The following UBR3 variants were observed in gnomAD, a reference collection of about 807,000 sequenced individuals.
UBR3 encodes E3 ubiquitin-protein ligase UBR3.
A neutral mutation model predicts 243.2 loss-of-function variants in UBR3; 85 were observed. The observed-to-expected ratio is 0.35, with a 90% CI of 0.29 to 0.42. UBR3 has a LOEUF of 0.42. UBR3 is among the 10% of genes least tolerant of loss of function. The pLI, the probability that UBR3 is intolerant of heterozygous loss-of-function variation, is 1.00. For missense variants in UBR3, 1,686 were observed against 2,300.8 expected (o/e 0.73, Z 5.47); for synonymous variants, 748 against 799.8 (o/e 0.94, Z 1.09).
At chr2:170,074,652 ACT>A (rs1359379500) in intron 36 of UBR3, among the ~76,000 whole-genome samples, 36 of 152,252 alleles carry the variant, frequency 2.4e-4, no homozygotes, top group Non-Finnish European at 7.4e-5. Flanking sequence ...ATTAATAATC[ACT>A]GTTTGCTAAG....
intron 33 of UBR3, among the ~76,000 whole-genome samples, chr2:170,057,367 C>T (rs1049023781): frequency 7.2e-5 from 11 of 152,128 alleles, no homozygotes; most frequent in Non-Finnish European, 1.3e-4. Context: ...AATCCACCTG[C>T]CTTGGCCTCC....
intron 1 of UBR3, among the ~76,000 whole-genome samples, chr2:169,859,696 T>TTTTATTTA (rs140176382): frequency 1.7e-3 from 248 of 148,328 alleles, no homozygotes; most frequent in African/African-American, 4.9e-3. Context: ...ATTGCTGATA[T>TTTTATTTA]TTTATTTATT....
At chr2:169,891,611 G>GAGAC (rs2084379192) in intron 6 of UBR3, among the ~76,000 whole-genome samples, 1 of 82,238 alleles carries the variant, frequency 1.2e-5, no homozygotes, top group Non-Finnish European at 2.6e-5. Flanking sequence ...GAGAGAGACA[G>GAGAC]AGACACACAC....
chr2:169,892,778 A>G (rs2084424532), intron 6 of UBR3, among the ~76,000 whole-genome samples: 1 of 152,182 alleles, frequency 6.6e-6, no homozygotes, highest in Admixed American at 6.5e-5. Flanking sequence ...ATGGTAAGGA[A>G]GAGGCCAGAC....
intron 9 of UBR3, among the ~76,000 whole-genome samples, chr2:169,905,506 T>G (rs2084979963): frequency 6.6e-6 from 1 of 151,868 alleles, no homozygotes; most frequent in Non-Finnish European, 1.5e-5. Flanking sequence ...GAAACAGGAG[T>G]ATAACTTTTT....
chr2:169,961,022 T>A (rs2087547428), intron 24 of UBR3, among the ~76,000 whole-genome samples: 1 of 152,136 alleles, frequency 6.6e-6, no homozygotes, highest in Admixed American at 6.6e-5. Flanking sequence ...ACCATGACTT[T>A]GTTATGTTGC....
chr2:170,077,648 C>T (rs991117970), intron 36 of UBR3: 5 of 407,358 alleles, frequency 1.2e-5, no homozygotes, highest in Non-Finnish European at 2.2e-5. Context: ...TGCAGTAGAG[C>T]GATCTTGGCT....
intron 19 of UBR3, among the ~76,000 whole-genome samples, chr2:169,942,224 T>C (rs1218599616): frequency 6.6e-6 from 1 of 152,224 alleles, no homozygotes; most frequent in Admixed American, 6.5e-5. Flanking sequence ...TGTGTATTCT[T>C]TCTGTTCATT....
At chr2:170,069,245 A>G (rs2091644884) in intron 35 of UBR3, among the ~76,000 whole-genome samples, 1 of 152,180 alleles carries the variant, frequency 6.6e-6, no homozygotes. Flanking sequence ...TAGAAAGGAT[A>G]GTACACTATA....
At chr2:169,864,949 C>T (rs1436822169) in intron 1 of UBR3, among the ~76,000 whole-genome samples, 1 of 148,298 alleles carries the variant, frequency 6.7e-6, no homozygotes, top group Non-Finnish European at 1.5e-5. Flanking sequence ...AGCTGGGTGT[C>T]ATGGCACATG....
At chr2:169,950,608 T>C (rs768457332) in intron 23 of UBR3, among the ~76,000 whole-genome samples, 7 of 149,930 alleles carry the variant, frequency 4.7e-5, no homozygotes, top group Non-Finnish European at 1.0e-4. Context: ...TTTCATCTTT[T>C]GACTTTCTTG....
chr2:169,859,595 T>A (rs2083015201), intron 1 of UBR3, among the ~76,000 whole-genome samples: 1 of 152,172 alleles, frequency 6.6e-6, no homozygotes. Context: ...CTGTGTTTTA[T>A]TTTGGATAAT....
intron 19 of UBR3, among the ~76,000 whole-genome samples, chr2:169,937,080 C>T (rs1288126222): frequency 2.6e-5 from 4 of 152,162 alleles, no homozygotes; most frequent in African/African-American, 9.7e-5. Flanking sequence ...AGTTCTAGAT[C>T]CTTGAGGAAT....
intron 1 of UBR3, among the ~76,000 whole-genome samples, chr2:169,864,623 G>A (rs900217554): frequency 1.3e-5 from 2 of 151,952 alleles, no homozygotes; most frequent in African/African-American, 4.8e-5. Flanking sequence ...ACAAAAGAAG[G>A]CCGGGCGCGG....
At chr2:169,842,801 C>T (rs569310160) in intron 1 of UBR3, among the ~76,000 whole-genome samples, 36 of 152,310 alleles carry the variant, frequency 2.4e-4, no homozygotes, top group Admixed American at 2.0e-3. Context: ...CGCGAGGGTC[C>T]GCGGCTTCAT....
In UBR3 at chr2:170,081,978, C is replaced by G. The variant is rs2091915509; in HGVS notation, c.*135C>G. 1.8e-6 allele frequency: 1 copy of G among 560,892 alleles called. No homozygotes were observed. The highest frequency in any genetic ancestry group is 3.0e-6 in the Non-Finnish European group (1 of 338,534). The allele number at this position is 560,892 out of a possible 1,614,324, so 34.7% of individuals were successfully genotyped here. A position where few individuals can be genotyped will look rare whatever the true frequency, so the allele number is the denominator to read the frequency against. On this transcript the variant is annotated 3_prime_UTR_variant, in exon 39 of 39. Coordinates refer to ENST00000272793, the MANE Select transcript of UBR3 (RefSeq NM_172070.4). Reference sequence around the variant, plus strand: ...GAAAACATACATTATGAAGCCTTTCCAAAATTAGGTGCTTGGTAATCACGT... The same window carrying G: ...GAAAACATACATTATGAAGCCTTTCGAAAATTAGGTGCTTGGTAATCACGT...
At chr2:169,832,351 T>C (rs1047310660) in intron 1 of UBR3, among the ~76,000 whole-genome samples, 3 of 149,590 alleles carry the variant, frequency 2.0e-5, no homozygotes, top group East Asian at 2.0e-4. Context: ...GAGATTGAGA[T>C]CATCCTGGCT....
chr2:169,976,693 CT>C (rs1211919981), intron 24 of UBR3, among the ~76,000 whole-genome samples: 2 of 152,108 alleles, frequency 1.3e-5, no homozygotes, highest in Non-Finnish European at 2.9e-5. Context: ...AGAATTGTCT[CT>C]GTCTTTCACT....
chr2:169,833,909 A>C (rs574580983), intron 1 of UBR3, among the ~76,000 whole-genome samples: 6 of 151,952 alleles, frequency 3.9e-5, no homozygotes, highest in Non-Finnish European at 8.8e-5. Flanking sequence ...CACCCTCCCA[A>C]GTAGCTGTGA....
Sources: allele counts gnomAD v4.1 joint callset (sites outside exome capture counted in the v4.1 genomes callset), GRCh38; gene constraint gnomAD v4.1.1; transcripts MANE v1.5; gene names NCBI Gene and HGNC (gene_info 2026-07-23, HGNC 2026-07-21).